Variants in DNAH7 observed in about 807,000 individuals in gnomAD.
The protein encoded by DNAH7 is axonemal beta dynein heavy chain 7.
DNAH7 carries 397 observed loss-of-function variants against 444.6 expected under a neutral mutation model. That is an observed-to-expected ratio of 0.89 (90% CI 0.82 to 0.97). The LOEUF is 0.97. Among genes scored for constraint, DNAH7 ranks in the 50% least tolerant of loss-of-function variants. The pLI is 0.00. For missense variants in DNAH7, 4,902 were observed against 4,800.8 expected (o/e 1.02, Z -0.62); for synonymous variants, 1,636 against 1,624.4 (o/e 1.01, Z -0.17).
intron 2 of DNAH7, among the ~76,000 whole-genome samples, chr2:196,052,357 C>G (rs945694963): frequency 6.6e-6 from 1 of 152,196 alleles, no homozygotes; most frequent in Non-Finnish European, 1.5e-5. Flanking sequence ...TATGCACTAG[C>G]CCCCTGTAAC....
At chr2:195,899,669 T>G (rs6434804) in intron 28 of DNAH7, among the ~76,000 whole-genome samples, 26,196 of 152,166 alleles carry the variant, frequency 0.17, 2,947 homozygotes, top group African/African-American at 0.32. Flanking sequence ...ATGTGAAAAT[T>G]TTGCAAGCTC....
intron 12 of DNAH7, 63 bp downstream of exon 12, chr2:196,000,641 G>A: frequency 7.7e-7 from 1 of 1,296,104 alleles, no homozygotes; most frequent in Non-Finnish European, 1.0e-6. Flanking sequence ...TCAACTTTCA[G>A]AAGTTACTTG....
chr2:195,908,565 T>TAATG (rs1687175278), intron 25 of DNAH7, among the ~76,000 whole-genome samples: 1 of 152,154 alleles, frequency 6.6e-6, no homozygotes, highest in African/African-American at 2.4e-5. Flanking sequence ...TCATTTAAGA[T>TAATG]AATGACCTCT....
At chr2:195,951,866 G>T (rs2125485756) in intron 19 of DNAH7, among the ~76,000 whole-genome samples, 1 of 152,170 alleles carries the variant, frequency 6.6e-6, no homozygotes, top group East Asian at 1.9e-4. Flanking sequence ...CACACCGATG[G>T]GGCTTGACTC....
intron 48 of DNAH7, among the ~76,000 whole-genome samples, chr2:195,831,263 CT>C (rs1042951247): frequency 5.9e-5 from 9 of 152,024 alleles, no homozygotes; most frequent in African/African-American, 2.2e-4. Flanking sequence ...GGCTTTCAAA[CT>C]TTTTTTTAAG....
At chr2:195,958,716 T>A (rs571746607) in intron 18 of DNAH7, among the ~76,000 whole-genome samples, 44 of 152,308 alleles carry the variant, frequency 2.9e-4, no homozygotes, top group African/African-American at 1.0e-3. Flanking sequence ...ATATAATTAC[T>A]CCATAAACTA....
chr2:195,897,324 A>T (rs1205537530), intron 29 of DNAH7, among the ~76,000 whole-genome samples: 3 of 152,180 alleles, frequency 2.0e-5, no homozygotes, highest in Non-Finnish European at 2.9e-5. Context: ...ACAAGCATTT[A>T]CTATATCTAT....
At chr2:195,828,830 G>T (rs1697921761) in intron 48 of DNAH7, among the ~76,000 whole-genome samples, 1 of 151,704 alleles carries the variant, frequency 6.6e-6, no homozygotes, top group Non-Finnish European at 1.5e-5. Context: ...TTTTCTGTTG[G>T]TTATAAGGTT....
chr2:195,824,569 T>A, intron 48 of DNAH7, 124 bp from the exon 49 acceptor site: 1 of 808,464 alleles, frequency 1.2e-6, no homozygotes, highest in Non-Finnish European at 1.8e-6. Flanking sequence ...CCTACAAAAT[T>A]ACTTTTGTCT....
intron 17 of DNAH7, among the ~76,000 whole-genome samples, chr2:195,967,654 T>TA (rs769265317): frequency 1.2e-4 from 19 of 152,188 alleles, no homozygotes; most frequent in Non-Finnish European, 2.1e-4. Context: ...TTTCAGCACT[T>TA]TAAATATGTC....
At chr2:196,057,676 A>G (rs1299645260) in intron 2 of DNAH7, among the ~76,000 whole-genome samples, 1 of 152,212 alleles carries the variant, frequency 6.6e-6, no homozygotes, top group Non-Finnish European at 1.5e-5. Context: ...TACACAGTTC[A>G]TGCTGAGCTC....
At chr2:195,926,668 C>A in intron 21 of DNAH7, 102 bp from the exon 22 acceptor site, 1 of 1,069,806 alleles carries the variant, frequency 9.3e-7, no homozygotes, top group Non-Finnish European at 1.3e-6. Context: ...CAATTTTTTA[C>A]AACATTCTTA....
rs1356907822 is a variant in DNAH7, at chr2:195,895,020, C to T, written c.4852G>A (p.Ala1618Thr). The T allele has an allele frequency of 6.2e-7, 1 of 1,612,688 alleles. No homozygotes were observed. Among genetic ancestry groups the T allele is most frequent in the Non-Finnish European group, 8.5e-7 (1 of 1,179,212 alleles). ...VGEPFGGKTS[A>T]YRVLAGALND... ...AGTGCTCCAGCTAAGACACGATATG[C>T]ACTAGTTTTTCCTCCAAATGGTTCT... Residue 1618 changes from alanine to threonine, a missense_variant, in exon 30 of 65, where the codon GCA (alanine) becomes ACA (threonine). Coordinates refer to ENST00000312428, the MANE Select transcript of DNAH7 (RefSeq NM_018897.3).
chr2:195,937,879 C>T (rs1689159390), intron 19 of DNAH7, among the ~76,000 whole-genome samples: 1 of 151,938 alleles, frequency 6.6e-6, no homozygotes, highest in African/African-American at 2.4e-5. Flanking sequence ...AGTAGCACAC[C>T]TCATGAAAAT....
intron 9 of DNAH7, 104 bp from the exon 10 acceptor site, chr2:196,013,010 C>A (rs1694811095): frequency 2.5e-6 from 2 of 805,806 alleles, no homozygotes; most frequent in African/African-American, 1.8e-5. Flanking sequence ...TAGGTTTAAT[C>A]ATTAAAAATT....
chr2:195,885,773 T>G (rs923597588), intron 34 of DNAH7, among the ~76,000 whole-genome samples: 1 of 151,776 alleles, frequency 6.6e-6, no homozygotes, highest in African/African-American at 2.4e-5. Context: ...GGAAGAAAAA[T>G]CAAGGGAAAT....
intron 15 of DNAH7, 65 bp from the exon 16 acceptor site, chr2:195,972,531 G>A (rs939080232): frequency 1.0e-5 from 12 of 1,198,192 alleles, no homozygotes; most frequent in Admixed American, 3.4e-5. Context: ...AACAGCCTGC[G>A]GAAATACACT....
At chr2:195,776,527 T>TG (rs1295763571) in intron 59 of DNAH7, among the ~76,000 whole-genome samples, 4 of 152,050 alleles carry the variant, frequency 2.6e-5, no homozygotes, top group East Asian at 1.9e-4. Context: ...GGTTTTTTAA[T>TG]GGGGGGGAGG....
intron 57 of DNAH7, among the ~76,000 whole-genome samples, chr2:195,787,414 CAT>C (rs1246062272): frequency 6.6e-6 from 1 of 152,068 alleles, no homozygotes; most frequent in Non-Finnish European, 1.5e-5. Context: ...TTTTAGGAAG[CAT>C]GGGAGGCTCA....
Sources: gnomAD v4.1 joint callset for allele counts (sites outside exome capture counted in the v4.1 genomes callset) on GRCh38, gnomAD v4.1.1 for gene constraint, MANE v1.5 for transcripts, NCBI Gene and HGNC (gene_info 2026-07-23, HGNC 2026-07-21) for gene names.